Variants in PDE7A observed in about 807,000 individuals in gnomAD.
The protein encoded by PDE7A is phosphodiesterase 7A.
Under a neutral mutation model 64.3 loss-of-function variants are expected in PDE7A, and 39 were observed. The ratio of observed to expected loss-of-function variants is 0.61; its 90% CI spans 0.47 to 0.79. PDE7A has a LOEUF of 0.79. Among genes scored for constraint, PDE7A ranks in the 30% least tolerant of loss-of-function variants. The pLI, the probability that PDE7A is intolerant of heterozygous loss-of-function variation, is 0.00. For missense variants in PDE7A, 470 were observed against 582.8 expected (o/e 0.81, Z 1.99); for synonymous variants, 203 against 206.8 (o/e 0.98, Z 0.16).
rs148172847 is a variant in PDE7A, at chr8:65,716,034, G to A, written c.*3256C>T. ...AAAAAAAAAAAAAAAAATTAGCTGG[G>A]TGGTGTGGTGGCACTCAGGAGGCTG... On this transcript the variant is annotated 3_prime_UTR_variant, in exon 13 of 13. Coordinates refer to ENST00000401827, the MANE Select transcript of PDE7A (RefSeq NM_001242318.3). 6.9e-6 allele frequency among the ~76,000 whole-genome samples: 1 copy of A among 145,352 alleles called. No homozygotes were observed. Among genetic ancestry groups the A allele is most frequent in the African/African-American group, 2.5e-5 (1 of 40,010 alleles).
chr8:65,734,673 C>T (rs933514341), intron 7 of PDE7A, 121 bp downstream of exon 7: 5 of 644,416 alleles, frequency 7.8e-6, no homozygotes, highest in African/African-American at 1.8e-5. Context: ...AGCTAGATCT[C>T]ATTCTTGTGA....
chr8:65,832,034 T>A (rs1174516557), intron 1 of PDE7A, among the ~76,000 whole-genome samples: 2 of 152,214 alleles, frequency 1.3e-5, no homozygotes, highest in African/African-American at 4.8e-5. Flanking sequence ...TATATAGATA[T>A]GTATGTATTC....
chr8:65,805,256 G>A (rs1422435473), intron 1 of PDE7A, among the ~76,000 whole-genome samples: 2 of 152,072 alleles, frequency 1.3e-5, no homozygotes, highest in Admixed American at 6.6e-5. Context: ...TTAGAACCTG[G>A]GATACAAACT....
At chr8:65,804,691 C>A (rs1190491498) in intron 1 of PDE7A, among the ~76,000 whole-genome samples, 2 of 151,662 alleles carry the variant, frequency 1.3e-5, no homozygotes, top group Admixed American at 6.6e-5. Context: ...GCATGTGCCA[C>A]CACACCAAGC....
intron 1 of PDE7A, among the ~76,000 whole-genome samples, chr8:65,802,762 G>A (rs1445446671): frequency 2.0e-5 from 3 of 152,100 alleles, no homozygotes; most frequent in Non-Finnish European, 4.4e-5. Flanking sequence ...GATATAGTTC[G>A]GATATTTGTC....
chr8:65,717,451 CA>C lies in PDE7A; in HGVS notation c.*1838del. 1 of 152,318 alleles carries C rather than the reference CA, an allele frequency of 6.6e-6. No homozygotes were observed. Among genetic ancestry groups the C allele is most frequent in the Non-Finnish European group, 1.5e-5 (1 of 68,030 alleles). 9.4% of individuals were successfully genotyped at this position (152,318 alleles called of 1,614,324 possible). A position where few individuals can be genotyped will look rare whatever the true frequency, so the allele number is the denominator to read the frequency against. On this transcript the variant is annotated 3_prime_UTR_variant, in exon 13 of 13. Coordinates refer to ENST00000401827, the MANE Select transcript of PDE7A (RefSeq NM_001242318.3). ...CTTATGCAGTTCACCACTGTAGGAACAAAAGGCCTGGCTCAAAGCTGACCTC... is the reference window on the plus strand; with the variant it reads ...CTTATGCAGTTCACCACTGTAGGAACAAAGGCCTGGCTCAAAGCTGACCTC...
rs1807296717 is a variant in PDE7A, at chr8:65,739,313, G to A, written c.595+189C>T. Among the ~76,000 whole-genome samples, 3 of 152,280 alleles carry A rather than the reference G, an allele frequency of 2.0e-5. No homozygotes were observed. In the South Asian group the frequency reaches 6.2e-4, roughly 32 times the overall value. On this transcript the variant is annotated intron_variant, in intron 6 of 12. Transcript: ENST00000401827. ...GCAGGTGCACAAATGAGCTCACCCA[G>A]ACCAGACCAAAAGAAGCATTTAACA... is the stretch of plus-strand genomic sequence containing the variant.
chr8:65,811,713 T>C (rs968002162), intron 1 of PDE7A, among the ~76,000 whole-genome samples: 6 of 152,018 alleles, frequency 3.9e-5, no homozygotes, highest in African/African-American at 1.5e-4. Flanking sequence ...ACAATTCCAG[T>C]AAAAATACTT....
intron 1 of PDE7A, among the ~76,000 whole-genome samples, chr8:65,789,976 G>C (rs745765268): frequency 6.6e-6 from 1 of 152,218 alleles, no homozygotes; most frequent in Admixed American, 6.5e-5. Context: ...TGAAGCAGAC[G>C]TAGGAAACGC....
chr8:65,768,693 T>C (rs1808923405), intron 3 of PDE7A, among the ~76,000 whole-genome samples: 1 of 152,206 alleles, frequency 6.6e-6, no homozygotes, highest in Non-Finnish European at 1.5e-5. Context: ...GAAAATACTA[T>C]TTCAAGAAAA....
intron 3 of PDE7A, among the ~76,000 whole-genome samples, chr8:65,769,095 A>T (rs1808944349): frequency 2.0e-5 from 3 of 152,090 alleles, no homozygotes; most frequent in South Asian, 4.2e-4. Flanking sequence ...TAAAAATACA[A>T]AAATTAGCCG....
intron 3 of PDE7A, among the ~76,000 whole-genome samples, chr8:65,756,097 T>G (rs774684033): frequency 6.6e-6 from 1 of 152,262 alleles, no homozygotes; most frequent in African/African-American, 2.4e-5. Context: ...TTTATTCCCT[T>G]CTGGCCACCA....
intron 1 of PDE7A, among the ~76,000 whole-genome samples, chr8:65,803,620 A>C (rs769499915): frequency 4.3e-4 from 66 of 152,232 alleles, no homozygotes; most frequent in Non-Finnish European, 8.7e-4. Flanking sequence ...ATGGCAAAAT[A>C]GTTTGCACAC....
chr8:65,754,155 T>C (rs907447563), intron 3 of PDE7A, among the ~76,000 whole-genome samples: 1 of 152,144 alleles, frequency 6.6e-6, no homozygotes, highest in Non-Finnish European at 1.5e-5. Flanking sequence ...AGGAGAAAGA[T>C]GTGGGCTAGG....
In PDE7A at chr8:65,734,846, A is replaced by T; in HGVS notation, c.644T>A (p.Val215Asp). The change falls in exon 7 of 13, where the codon GTC (valine) becomes GAC (aspartate). Residue 215 changes from valine to aspartate, a missense_variant. By Grantham distance (152) the Val-to-Asp change is radical. Transcript: ENST00000401827. ...GGCCTGAGTAACATCCGCAGCGTGGACTGCGTTATGGTAAGGATTTTGACT... is the reference window on the plus strand; with the variant it reads ...GGCCTGAGTAACATCCGCAGCGTGGTCTGCGTTATGGTAAGGATTTTGACT... ...YHSQNPYHNA[V>D]HAADVTQAMH... The T allele has an allele frequency of 6.2e-7, 1 of 1,612,856 alleles. No individual in the cohort carries two copies. Among genetic ancestry groups the T allele is most frequent in the Non-Finnish European group, 8.5e-7 (1 of 1,178,814 alleles).
rs1190698800 is a variant in PDE7A at position 65,718,384 on chromosome 8, C to T, written c.*906G>A. Reference sequence around the variant, plus strand: ...TGATCTGAAGGACACACTCTCCCATCCCACTTTTATTTCAGATTGGCAAAT... The same window carrying T: ...TGATCTGAAGGACACACTCTCCCATTCCACTTTTATTTCAGATTGGCAAAT... On this transcript the variant is annotated 3_prime_UTR_variant, in exon 13 of 13. Transcript: ENST00000401827. 2.0e-5 allele frequency: 3 copies of T among 152,246 alleles called. No individual in the cohort carries two copies. Among genetic ancestry groups the T allele is most frequent in the African/African-American group, 7.2e-5 (3 of 41,442 alleles). 9.4% of individuals were successfully genotyped at this position (152,246 alleles called of 1,614,324 possible).
At chr8:65,770,776 C>T (rs1303162421) in intron 3 of PDE7A, among the ~76,000 whole-genome samples, 3 of 152,212 alleles carry the variant, frequency 2.0e-5, no homozygotes, top group Non-Finnish European at 4.4e-5. Context: ...AAACTGCCCT[C>T]CAGAAAGCCT....
intron 1 of PDE7A, among the ~76,000 whole-genome samples, chr8:65,813,112 A>C (rs1310590037): frequency 2.0e-5 from 3 of 152,228 alleles, no homozygotes; most frequent in Non-Finnish European, 2.9e-5. Context: ...CACTGTGAAA[A>C]ACACAAATAA....
chr8:65,817,764 T>G (rs1266017173), intron 1 of PDE7A, among the ~76,000 whole-genome samples: 1 of 151,598 alleles, frequency 6.6e-6, no homozygotes, highest in Admixed American at 6.6e-5. Flanking sequence ...TTTTTTTTTT[T>G]TTTTTCGAGA....
Sources: gnomAD v4.1 joint callset for allele counts (sites outside exome capture counted in the v4.1 genomes callset) on GRCh38, gnomAD v4.1.1 for gene constraint, MANE v1.5 for transcripts, NCBI Gene and HGNC (gene_info 2026-07-23, HGNC 2026-07-21) for gene names.